The following XPO6 variants were observed in gnomAD, a reference collection of about 807,000 sequenced individuals.
XPO6 encodes the protein exportin 6.
A neutral mutation model predicts 130.0 loss-of-function variants in XPO6; 3 were observed. The ratio of observed to expected loss-of-function variants is 0.02; its 90% CI spans 0.01 to 0.06. XPO6 has a LOEUF of 0.06. Ranked by LOEUF, XPO6 falls within the 10% of genes least tolerant of loss-of-function variation. The pLI is 1.00. For missense variants in XPO6, 970 were observed against 1,393.0 expected, an observed-to-expected ratio of 0.70 and a Z score of 4.83; for synonymous variants, 524 against 548.9, an observed-to-expected ratio of 0.95 and a Z score of 0.63.
chr16:28,106,264 C>T lies in XPO6; in HGVS notation c.2613-50G>A. The T allele has an allele frequency of 6.2e-7, 1 of 1,607,554 alleles. No individual in the cohort carries two copies. Among genetic ancestry groups the T allele is most frequent in the Non-Finnish European group, 8.5e-7 (1 of 1,175,268 alleles). ...GAGCAACCACATGTTTCTCTGGGGGCCAGCATGAAAACCCATGCTGTGGCA... is the reference window on the plus strand; with the variant it reads ...GAGCAACCACATGTTTCTCTGGGGGTCAGCATGAAAACCCATGCTGTGGCA... On this transcript the variant is annotated intron_variant, in intron 19 of 23. Transcript: ENST00000304658. The surrounding 1 kb of genome is among the most constrained non-coding windows in gnomAD (Gnocchi z 4.2).
intron 1 of XPO6, among the ~76,000 whole-genome samples, chr16:28,192,714 G>A (rs929391458): frequency 5.3e-5 from 8 of 152,082 alleles, no homozygotes; most frequent in Non-Finnish European, 8.8e-5. Flanking sequence ...GAAATGAGAG[G>A]GTGGAGACAG....
intron 5 of XPO6, chr16:28,167,065 T>C: frequency 1.1e-6 from 1 of 896,216 alleles, no homozygotes; most frequent in Non-Finnish European, 1.3e-6. Context: ...ACTGACCTGC[T>C]TCTCCTCTCA....
intron 1 of XPO6, among the ~76,000 whole-genome samples, chr16:28,208,720 C>A (rs1014783031): frequency 6.6e-6 from 1 of 152,168 alleles, no homozygotes; most frequent in Non-Finnish European, 1.5e-5. Flanking sequence ...AACCTCAATA[C>A]AAGGGTGCTG....
intron 1 of XPO6, among the ~76,000 whole-genome samples, chr16:28,188,483 A>C (rs1236192405): frequency 6.6e-6 from 1 of 152,186 alleles, no homozygotes; most frequent in Non-Finnish European, 1.5e-5. Flanking sequence ...GGTTTCGAAG[A>C]AAAGTGATTC....
chr16:28,166,870 T>C (rs1334693423), intron 5 of XPO6: 10 of 960,140 alleles, frequency 1.0e-5, no homozygotes, highest in Admixed American at 1.2e-4. Flanking sequence ...ACTGGTCACT[T>C]AATCCCCATC....
rs759563093 is a variant in XPO6 at position 28,101,443 on chromosome 16, T to C, written c.3276+15A>G. 11 of 1,612,586 alleles carry C rather than the reference T, an allele frequency of 6.8e-6. No homozygotes were observed. Among genetic ancestry groups the C allele is most frequent in the Non-Finnish European group, 8.5e-6 (10 of 1,178,738 alleles). ...ACTCTGCCCTCCTCTTAGCCCGGCC[T>C]CTTTCTCTCCTCACCCGATCCATCT... is the stretch of plus-strand genomic sequence containing the variant. On this transcript the variant is annotated intron_variant, in intron 23 of 23. Coordinates refer to ENST00000304658, the MANE Select transcript of XPO6 (RefSeq NM_015171.4). This position sits in a 1 kb window ranked among gnomAD's most constrained non-coding sequence, Gnocchi z 5.4.
At chr16:28,107,789 C>A in intron 17 of XPO6, 112 bp from the exon 18 acceptor site, 1 of 1,171,442 alleles carries the variant, frequency 8.5e-7, no homozygotes. Flanking sequence ...GATGATCACA[C>A]GAGTCTCACT....
chr16:28,191,884 C>T (rs1380866128), intron 1 of XPO6, among the ~76,000 whole-genome samples: 1 of 152,194 alleles, frequency 6.6e-6, no homozygotes, highest in Non-Finnish European at 1.5e-5. Context: ...CTGCTATTAC[C>T]ACCTGTGCTA....
chr16:28,201,789 A>G (rs984356372), intron 1 of XPO6, among the ~76,000 whole-genome samples: 6 of 152,208 alleles, frequency 3.9e-5, no homozygotes, highest in Non-Finnish European at 8.8e-5. Flanking sequence ...CAGGAGGCGG[A>G]ACTTGTAGTG....
At chr16:28,111,130 AGAGTATAGTATTTATTACTATTTCT>A (rs2086910583) in intron 17 of XPO6, 1 of 152,252 alleles carries the variant, frequency 6.6e-6, no homozygotes, top group Non-Finnish European at 1.5e-5. Context: ...TGTTTTTTAA[AGAGTATAGTATTTATTACTATTTCT>A]GACATTTCAC....
chr16:28,133,661 T>C (rs896402338), intron 11 of XPO6, among the ~76,000 whole-genome samples, 180 bp downstream of exon 11: 11 of 152,246 alleles, frequency 7.2e-5, no homozygotes, highest in African/African-American at 2.4e-4. Context: ...GTTGGTTTAA[T>C]ATTTTGTGGA....
chr16:28,110,311 T>C (rs775199792), intron 17 of XPO6, among the ~76,000 whole-genome samples: 1 of 152,204 alleles, frequency 6.6e-6, no homozygotes, highest in Non-Finnish European at 1.5e-5. Context: ...GCCAAGGCCA[T>C]GTAGCTGGCT....
chr16:28,144,044 G>A (rs2042941449), intron 9 of XPO6, among the ~76,000 whole-genome samples: 1 of 151,816 alleles, frequency 6.6e-6, no homozygotes, highest in South Asian at 2.1e-4. Flanking sequence ...AGAAAAATGA[G>A]GCATAGTCCC....
At chr16:28,136,027 A>C (rs763197662) in intron 9 of XPO6, among the ~76,000 whole-genome samples, 5 of 152,204 alleles carry the variant, frequency 3.3e-5, no homozygotes, top group Non-Finnish European at 7.3e-5. Context: ...AATATTACCT[A>C]ATTCAATGAT....
At chr16:28,118,297 T>G (rs900544662) in intron 14 of XPO6, among the ~76,000 whole-genome samples, 2 of 152,158 alleles carry the variant, frequency 1.3e-5, no homozygotes, top group Non-Finnish European at 2.9e-5. Context: ...TAGTTGGCAG[T>G]CTTCTCTAAA....
chr16:28,138,050 A>C (rs1021074480), intron 9 of XPO6, among the ~76,000 whole-genome samples: 3 of 152,172 alleles, frequency 2.0e-5, no homozygotes, highest in Non-Finnish European at 2.9e-5. Flanking sequence ...CGCCAGCCCT[A>C]AAGTAGACTA....
intron 10 of XPO6, among the ~76,000 whole-genome samples, chr16:28,134,158 T>C (rs2042729502): frequency 6.6e-6 from 1 of 152,228 alleles, no homozygotes; most frequent in African/African-American, 2.4e-5. Flanking sequence ...ATAAGCTATT[T>C]TCCCCCCTTT....
At chr16:28,180,169 AC>A (rs1274287104) in intron 2 of XPO6, among the ~76,000 whole-genome samples, 2 of 152,082 alleles carry the variant, frequency 1.3e-5, no homozygotes, top group African/African-American at 4.8e-5. Context: ...TTCAAGACCC[AC>A]CTGGCTAATA....
chr16:28,180,058 T>C (rs2043590919), intron 2 of XPO6, among the ~76,000 whole-genome samples: 1 of 152,048 alleles, frequency 6.6e-6, no homozygotes, highest in Non-Finnish European at 1.5e-5. Flanking sequence ...AAGAATACAG[T>C]AGAGTGTCAG....
Sources: allele counts gnomAD v4.1 joint callset (sites outside exome capture counted in the v4.1 genomes callset), GRCh38; gene constraint gnomAD v4.1.1; non-coding constraint Gnocchi (gnomAD v3.1); transcripts MANE v1.5; gene names NCBI Gene and HGNC (gene_info 2026-07-23, HGNC 2026-07-21).